Variants in TBC1D4 observed in about 807,000 individuals in gnomAD.
The protein encoded by TBC1D4 is TBC (Tre-2, BUB2, CDC16) domain-containing protein.
TBC1D4 carries 121 observed loss-of-function variants against 142.5 expected under a neutral mutation model. The observed-to-expected ratio is 0.85, with a 90% confidence interval of 0.73 to 0.99. The LOEUF is 0.99. TBC1D4 is among the 50% of genes least tolerant of loss of function. TBC1D4 has a pLI of 0.00. For missense variants in TBC1D4, 1,475 were observed against 1,606.6 expected (o/e 0.92, Z 1.40); for synonymous variants, 630 against 628.2 (o/e 1.00, Z -0.04).
chr13:75,437,844 A>C lies in TBC1D4; in HGVS notation c.498+43426T>G, dbSNP rs17064459. ...AAGTCACTGCTGTTCACTGTGAACT[A>C]TTTGAAGATGCATTAACTCTTTCTG... On this transcript the variant is annotated intron_variant, in intron 1 of 20. Transcript: ENST00000377636. Among the ~76,000 whole-genome samples, 114 of 152,302 alleles carry C rather than the reference A, an allele frequency of 7.5e-4. 1 individual carries two copies. The East Asian group carries it at 0.014, about 19-fold the overall frequency.
chr13:75,303,902 C>A (rs928814781), intron 15 of TBC1D4, among the ~76,000 whole-genome samples: 5 of 152,166 alleles, frequency 3.3e-5, no homozygotes, highest in Non-Finnish European at 7.3e-5. Flanking sequence ...TCCCATTGTA[C>A]GTCTATTCAT....
chr13:75,359,230 G>A (rs1156831), intron 3 of TBC1D4, among the ~76,000 whole-genome samples: 17,038 of 152,038 alleles, frequency 0.11, 1,018 homozygotes, highest in African/African-American at 0.16. Context: ...ATATAATCTT[G>A]TACATAATTG....
At chr13:75,396,036 G>T (rs765791130) in intron 1 of TBC1D4, among the ~76,000 whole-genome samples, 13 of 152,058 alleles carry the variant, frequency 8.5e-5, no homozygotes, top group Non-Finnish European at 1.6e-4. Flanking sequence ...CTCATGACCT[G>T]CTATTAATGT....
chr13:75,435,327 C>A (rs1440806903), intron 1 of TBC1D4, among the ~76,000 whole-genome samples: 414 of 121,770 alleles, frequency 3.4e-3, no homozygotes, highest in Middle Eastern at 4.4e-3. Context: ...GATTCTGTCT[C>A]AAAAAAAAAA....
At chr13:75,383,825 TC>T (rs1361335877) in intron 1 of TBC1D4, among the ~76,000 whole-genome samples, 1 of 152,154 alleles carries the variant, frequency 6.6e-6, no homozygotes, top group Non-Finnish European at 1.5e-5. Context: ...TAACTGGTCT[TC>T]TTGCCTTATG....
intron 5 of TBC1D4, among the ~76,000 whole-genome samples, chr13:75,344,561 C>T (rs1007931066): frequency 6.6e-6 from 1 of 152,046 alleles, no homozygotes; most frequent in Non-Finnish European, 1.5e-5. Flanking sequence ...TTAGGATAAT[C>T]GGTCTATCTC....
At chr13:75,290,507 A>G (rs543418) in intron 19 of TBC1D4, among the ~76,000 whole-genome samples, 1,681 of 152,256 alleles carry the variant, frequency 0.011, 34 homozygotes, top group African/African-American at 0.038. Flanking sequence ...TCTGATTTCA[A>G]ATCTCTAAAA....
intron 1 of TBC1D4, among the ~76,000 whole-genome samples, chr13:75,465,961 T>G (rs1405159244): frequency 6.6e-6 from 1 of 152,168 alleles, no homozygotes; most frequent in Non-Finnish European, 1.5e-5. Context: ...CTTCTACATG[T>G]CCTGTTTTTC....
chr13:75,481,947 G>A lies in TBC1D4; in HGVS notation c.-180C>T. On this transcript the variant is annotated 5_prime_UTR_variant, in exon 1 of 21. Transcript: ENST00000377636. ...CCCTGCCCCATGCAGCACTTCCACG[G>A]GCGCGGCTCGGAGGCTCCGGCGGCG... The A allele has an allele frequency of 5.4e-6, 5 of 917,638 alleles. No individual in the cohort carries two copies. Among genetic ancestry groups the A allele is most frequent in the Non-Finnish European group, 5.7e-6 (4 of 696,700 alleles). 56.8% of individuals were successfully genotyped at this position (917,638 alleles called of 1,614,324 possible).
intron 1 of TBC1D4, among the ~76,000 whole-genome samples, chr13:75,413,403 G>A (rs1456019209): frequency 6.6e-6 from 1 of 152,134 alleles, no homozygotes; most frequent in African/African-American, 2.4e-5. Flanking sequence ...CTTGTGATCT[G>A]CCTGCCTCGG....
intron 6 of TBC1D4, 50 bp from the exon 7 acceptor site, chr13:75,341,285 C>G: frequency 6.5e-7 from 1 of 1,530,504 alleles, no homozygotes; most frequent in Non-Finnish European, 9.1e-7. Context: ...CACTTCCCTC[C>G]TTTTATTCTG....
chr13:75,419,961 G>A (rs1259646763), intron 1 of TBC1D4, among the ~76,000 whole-genome samples: 2 of 152,178 alleles, frequency 1.3e-5, no homozygotes, highest in Non-Finnish European at 2.9e-5. Flanking sequence ...CGCAGGAAGC[G>A]GCACTGGAGC....
At chr13:75,309,864 T>A (rs1357149605) in intron 14 of TBC1D4, 78 bp downstream of exon 14, 1 of 1,417,510 alleles carries the variant, frequency 7.1e-7, no homozygotes, top group Non-Finnish European at 9.9e-7. Flanking sequence ...GGATAGTATG[T>A]ATGGGGAGAG....
intron 1 of TBC1D4, among the ~76,000 whole-genome samples, chr13:75,367,297 T>C (rs930930758): frequency 6.6e-6 from 1 of 152,200 alleles, no homozygotes; most frequent in African/African-American, 2.4e-5. Context: ...AAGATTAATC[T>C]ACAGTACAAT....
chr13:75,416,598 A>G (rs559506882), intron 1 of TBC1D4, among the ~76,000 whole-genome samples: 1 of 152,328 alleles, frequency 6.6e-6, no homozygotes, highest in African/African-American at 2.4e-5. Context: ...AAAAGGCACA[A>G]AGCAACTTTT....
At chr13:75,309,618 C>G (rs1399870736) in intron 14 of TBC1D4, among the ~76,000 whole-genome samples, 1 of 152,124 alleles carries the variant, frequency 6.6e-6, no homozygotes, top group Non-Finnish European at 1.5e-5. Flanking sequence ...AGATAATGAA[C>G]TTTCAGACAC....
intron 1 of TBC1D4, among the ~76,000 whole-genome samples, chr13:75,413,618 C>G (rs1885778522): frequency 6.6e-6 from 1 of 152,128 alleles, no homozygotes; most frequent in Non-Finnish European, 1.5e-5. Context: ...CCCTGATAAA[C>G]CTAGGACCAC....
In TBC1D4 at chr13:75,310,073, A is replaced by C. The variant is rs1877588713; in HGVS notation, c.2462T>G (p.Leu821Arg). The C allele has an allele frequency of 2.5e-6, 4 of 1,614,014 alleles. No individual in the cohort carries two copies. In the African/African-American group the frequency reaches 5.3e-5, roughly 22 times the overall value. The change falls in exon 14 of 21, where the codon CTG becomes CGG. Residue 821 changes from leucine to arginine, a missense_variant. Around this residue, in one of 2 missense-constraint regions of TBC1D4, gnomAD observed 1,227 missense variants for 1,267.7 expected, o/e 0.97. Coordinates refer to ENST00000377636, the MANE Select transcript of TBC1D4 (RefSeq NM_014832.5). ...TMEEEPLVVF[L>R]SGEDDPEKIE... ...CTTTTCTGGGTCATCCTCCCCAGAC[A>C]GGAATACAACCAGCGGTTCCTCCTC...
At chr13:75,460,898 G>A (rs887715973) in intron 1 of TBC1D4, among the ~76,000 whole-genome samples, 1 of 152,142 alleles carries the variant, frequency 6.6e-6, no homozygotes, top group Non-Finnish European at 1.5e-5. Flanking sequence ...ACTCCAGCCT[G>A]GGTAACAGAG....
Sources: allele counts gnomAD v4.1 joint callset (sites outside exome capture counted in the v4.1 genomes callset), GRCh38; gene constraint gnomAD v4.1.1; regional missense constraint gnomAD v4.1.1; transcripts MANE v1.5; gene names NCBI Gene and HGNC (gene_info 2026-07-23, HGNC 2026-07-21).